The following DENND2A variants were observed in gnomAD, a reference collection of about 807,000 sequenced individuals.
DENND2A encodes DENN domain-containing protein 2A.
DENND2A carries 53 observed loss-of-function variants against 105.3 expected under a neutral mutation model. That is an observed-to-expected ratio of 0.50 (90% CI 0.40 to 0.63). DENND2A has a LOEUF of 0.63. DENND2A is among the 30% of genes least tolerant of loss of function. DENND2A has a pLI of 0.00. For synonymous variants in DENND2A, 522 were observed against 508.4 expected, an observed-to-expected ratio of 1.03 and a Z score of -0.36; for missense variants, 1,138 against 1,279.6, an observed-to-expected ratio of 0.89 and a Z score of 1.69.
At chr7:140,563,522 A>G (rs1797712996) in intron 9 of DENND2A, among the ~76,000 whole-genome samples, 1 of 152,028 alleles carries the variant, frequency 6.6e-6, no homozygotes, top group Non-Finnish European at 1.5e-5. Context: ...GTGACTTGAC[A>G]GAAGTGAGGG....
intron 3 of DENND2A, among the ~76,000 whole-genome samples, chr7:140,594,638 G>T (rs926721661): frequency 1.3e-5 from 2 of 152,170 alleles, no homozygotes; most frequent in African/African-American, 4.8e-5. Context: ...CAGAGTCTCC[G>T]TCTATCTCGC....
chr7:140,534,150 T>C (rs1490140358), intron 14 of DENND2A, among the ~76,000 whole-genome samples: 1 of 144,648 alleles, frequency 6.9e-6, no homozygotes, highest in Non-Finnish European at 1.5e-5. Flanking sequence ...AATGGTGCGA[T>C]CTTGGCTCAC....
intron 1 of DENND2A, among the ~76,000 whole-genome samples, chr7:140,621,695 G>A (rs184672938): frequency 6.6e-6 from 1 of 152,148 alleles, no homozygotes; most frequent in East Asian, 1.9e-4. Context: ...ATGTAAAATA[G>A]ATTAATTTGC....
chr7:140,629,196 C>T (rs967640904), intron 1 of DENND2A, among the ~76,000 whole-genome samples: 19 of 152,124 alleles, frequency 1.2e-4, no homozygotes, highest in Non-Finnish European at 1.9e-4. Context: ...CAAAATTAAC[C>T]GCAGAGGTGT....
chr7:140,567,639 T>A (rs1449159039), intron 8 of DENND2A, among the ~76,000 whole-genome samples: 1 of 152,142 alleles, frequency 6.6e-6, no homozygotes, highest in Admixed American at 6.5e-5. Flanking sequence ...ATCTGTCTGA[T>A]GAGATGGGGA....
At chr7:140,624,337 A>G (rs1240882999) in intron 1 of DENND2A, among the ~76,000 whole-genome samples, 2 of 148,812 alleles carry the variant, frequency 1.3e-5, no homozygotes, top group African/African-American at 2.5e-5. Context: ...GAGGAAATTC[A>G]AGGAGGAAAG....
intron 1 of DENND2A, chr7:140,609,828 A>G (rs1799828811): frequency 6.6e-6 from 1 of 152,178 alleles, no homozygotes; most frequent in South Asian, 2.1e-4. Context: ...GAGGGTTCAG[A>G]AGTTAAGAAG....
rs1161734539 is a variant in DENND2A, at chr7:140,544,386, A to C, written c.2327+232T>G. ...ATTTTTCTATTTTTAGTAGAGACGG[A>C]GTTTCACCATGTTGCACAGGCTGGC... On this transcript the variant is annotated intron_variant, in intron 14 of 19. Transcript: ENST00000496613. 4 of 598,376 alleles carry C rather than the reference A, an allele frequency of 6.7e-6. No homozygotes were observed. In the East Asian group the frequency reaches 1.1e-4, roughly 17 times the overall value. 37.1% of individuals were successfully genotyped at this position (598,376 alleles called of 1,614,324 possible).
chr7:140,602,022 G>C lies in DENND2A; in HGVS notation c.376C>G (p.Gln126Glu). The change falls in exon 3 of 20, where the codon CAA becomes GAA. Residue 126 changes from glutamine (Q) to glutamate (E), a missense_variant. Gln to Glu is a conservative substitution (Grantham distance 29). This residue lies in a region of DENND2A where 511 missense variants were observed against 499.9 expected (regional missense o/e 1.02). Coordinates refer to ENST00000496613, the MANE Select transcript of DENND2A (RefSeq NM_015689.5). ...NVGGQDPEPGQDLSQPEREVD... is the reference protein window; with the variant it reads ...NVGGQDPEPGEDLSQPEREVD... The stretch of plus-strand genomic sequence containing the variant: ...TCCCGTTCTGGCTGGCTTAGGTCTT[G>C]CCCCGGCTCTGGGTCCTGTCCCCCG... 1 of 1,614,184 alleles carries C rather than the reference G, an allele frequency of 6.2e-7. No homozygotes were observed. Among genetic ancestry groups the C allele is most frequent in the East Asian group, 2.2e-5 (1 of 44,864 alleles).
Position 140,559,652 on chromosome 7 carries a change from G to C in DENND2A, c.1889+56C>G. The C allele has an allele frequency of 5.4e-6, 7 of 1,308,008 alleles. 1 individual carries two copies. The East Asian group carries it at 1.6e-4, about 30-fold the overall frequency. 81.0% of individuals were successfully genotyped at this position (1,308,008 alleles called of 1,614,324 possible). The stretch of plus-strand genomic sequence containing the variant: ...CATGTGGTCTGCCACCTGTAACCCC[G>C]TCTCTAAGTCTCGCCTTAGTCTTTG... On this transcript the variant is annotated intron_variant, in intron 10 of 19. Transcript: ENST00000496613. This position sits in a 1 kb window ranked among gnomAD's most constrained non-coding sequence, Gnocchi z 4.1.
Position 140,615,654 on chromosome 7 carries a change from C to T in DENND2A, c.-247-9848G>A, listed in dbSNP as rs534722285. The stretch of plus-strand genomic sequence containing the variant: ...CCTGGTTCAAGCAATCCTGCCTCAG[C>T]CCCTCAGCTAGCTGTGACTGAGGCA... On this transcript the variant is annotated intron_variant, in intron 1 of 19. Transcript: ENST00000496613. Among the ~76,000 whole-genome samples, 7 of 152,128 alleles carry T rather than the reference C, an allele frequency of 4.6e-5. No homozygotes were observed. In the South Asian group the frequency reaches 8.3e-4, roughly 18 times the overall value.
At chr7:140,532,605 G>C (rs1419850557) in intron 14 of DENND2A, among the ~76,000 whole-genome samples, 2 of 152,158 alleles carry the variant, frequency 1.3e-5, no homozygotes, top group Non-Finnish European at 2.9e-5. Flanking sequence ...TTTAAGGTAG[G>C]AAGAGTGAGG....
At chr7:140,619,950 T>C (rs1440743586) in intron 1 of DENND2A, among the ~76,000 whole-genome samples, 1 of 151,828 alleles carries the variant, frequency 6.6e-6, no homozygotes, top group African/African-American at 2.4e-5. Flanking sequence ...CCCAGCACTT[T>C]GGAAGGCCAA....
chr7:140,570,160 G>T (rs1012163644), intron 6 of DENND2A, among the ~76,000 whole-genome samples: 2 of 152,158 alleles, frequency 1.3e-5, no homozygotes, highest in Admixed American at 1.3e-4. Context: ...CTCCCAAAAT[G>T]CTGGGATTAC....
intron 8 of DENND2A, among the ~76,000 whole-genome samples, chr7:140,568,182 C>T (rs1441628238): frequency 6.6e-6 from 1 of 152,144 alleles, no homozygotes; most frequent in Non-Finnish European, 1.5e-5. Flanking sequence ...CCTTGTGATC[C>T]ACCCGCCTCG....
At chr7:140,572,801 G>GT (rs1798151245) in intron 6 of DENND2A, among the ~76,000 whole-genome samples, 1 of 148,342 alleles carries the variant, frequency 6.7e-6, no homozygotes. Context: ...AGTTCAGGAT[G>GT]TAACTCCCCA....
chr7:140,579,478 C>T lies in DENND2A; in HGVS notation c.1246-5470G>A, dbSNP rs188272343. Among the ~76,000 whole-genome samples the T allele has an allele frequency of 6.0e-3, 911 of 151,442 alleles. 6 individuals carry two copies. Among genetic ancestry groups the T allele is most frequent in the African/African-American group, 0.02 (842 of 41,316 alleles). On this transcript the variant is annotated intron_variant, in intron 5 of 19. Transcript: ENST00000496613. The stretch of plus-strand genomic sequence containing the variant: ...TGGGATCTCAGCTCACTGCAACCTC[C>T]GCCTCCCAGATTCAAGCAATTCTCC...
At chr7:140,577,937 G>A (rs2130622901) in intron 5 of DENND2A, among the ~76,000 whole-genome samples, 1 of 152,270 alleles carries the variant, frequency 6.6e-6, no homozygotes. Flanking sequence ...AGAACGATGT[G>A]TCAGACTGTG....
chr7:140,554,526 C>T lies in DENND2A; in HGVS notation c.2037+1110G>A, dbSNP rs553647767. ...TGGCACGCGCCTGTAATGCCAGCTA[C>T]TCAGGAGGCTGTGGCACAAGAATCG... On this transcript the variant is annotated intron_variant, in intron 12 of 19. Coordinates refer to ENST00000496613, the MANE Select transcript of DENND2A (RefSeq NM_015689.5). Among the ~76,000 whole-genome samples the T allele has an allele frequency of 2.6e-5, 4 of 152,212 alleles. No homozygotes were observed. The East Asian group carries it at 7.7e-4, about 29-fold the overall frequency.
Sources: gnomAD v4.1 joint callset for allele counts (sites outside exome capture counted in the v4.1 genomes callset) on GRCh38, gnomAD v4.1.1 for gene constraint, gnomAD v4.1.1 regional missense constraint, Gnocchi (gnomAD v3.1) non-coding constraint, MANE v1.5 for transcripts, NCBI Gene and HGNC (gene_info 2026-07-23, HGNC 2026-07-21) for gene names.